RBFOX3: variants seen among roughly 807,000 people sequenced by gnomAD.
RBFOX3 encodes the protein RNA binding protein fox-1 homolog 3.
RBFOX3 carries 17 observed loss-of-function variants against 48.7 expected under a neutral mutation model. The observed-to-expected ratio is 0.35, with a 90% CI of 0.24 to 0.52. The LOEUF is 0.52. Ranked by LOEUF, RBFOX3 falls within the 20% of genes least tolerant of loss-of-function variation. RBFOX3 has a pLI of 0.94. For missense variants in RBFOX3, 382 were observed against 497.5 expected (o/e 0.77, Z 2.21); for synonymous variants, 212 against 209.5 (o/e 1.01, Z -0.10).
At chr17:79,412,512 A>G (rs183724747) in intron 2 of RBFOX3, among the ~76,000 whole-genome samples, 8 of 151,428 alleles carry the variant, frequency 5.3e-5, no homozygotes, top group African/African-American at 9.7e-5. Context: ...TATGGTGTGT[A>G]TGAATGCATT....
intron 4 of RBFOX3, among the ~76,000 whole-genome samples, chr17:79,137,868 A>G (rs1399828232): frequency 6.6e-6 from 1 of 152,086 alleles, no homozygotes; most frequent in Non-Finnish European, 1.5e-5. Flanking sequence ...CTCCCGGGTA[A>G]TTGAGGGAGC....
intron 4 of RBFOX3, among the ~76,000 whole-genome samples, chr17:79,216,215 C>T (rs937208372): frequency 2.0e-5 from 3 of 152,248 alleles, no homozygotes; most frequent in Non-Finnish European, 2.9e-5. Flanking sequence ...AGCCTGTTTG[C>T]CTCCCAGGCG....
chr17:79,534,867 C>T (rs1035089560), intron 1 of RBFOX3, among the ~76,000 whole-genome samples: 3 of 152,284 alleles, frequency 2.0e-5, no homozygotes, highest in South Asian at 2.1e-4. Flanking sequence ...GGGAGATCGT[C>T]GCCCCCTCGG....
intron 2 of RBFOX3, among the ~76,000 whole-genome samples, chr17:79,469,276 G>A (rs1390341714): frequency 1.3e-5 from 2 of 152,214 alleles, no homozygotes; most frequent in Non-Finnish European, 2.9e-5. Context: ...TGGTCACGAG[G>A]TGTCTGACAT....
chr17:79,536,800 C>T lies in RBFOX3; in HGVS notation c.-319-54202G>A, dbSNP rs931831238. On this transcript the variant is annotated intron_variant, in intron 1 of 14. Transcript: ENST00000693108. The stretch of plus-strand genomic sequence containing the variant: ...AAACTCACCGGCTTAAAGCAACAGA[C>T]ATTTGGCCGGGTGCGGAGGCTAACA... Among the ~76,000 whole-genome samples the T allele has an allele frequency of 2.0e-5, 3 of 152,338 alleles. No individual in the cohort carries two copies. In the South Asian group the frequency reaches 6.2e-4, roughly 32 times the overall value.
intron 3 of RBFOX3, among the ~76,000 whole-genome samples, chr17:79,303,040 C>CA: frequency 6.6e-6 from 1 of 151,850 alleles, no homozygotes; most frequent in Non-Finnish European, 1.5e-5. Flanking sequence ...CTCATCTCTA[C>CA]AAAAAAAGAT....
intron 3 of RBFOX3, among the ~76,000 whole-genome samples, chr17:79,270,358 T>C (rs1600324928): frequency 6.6e-6 from 1 of 152,136 alleles, no homozygotes; most frequent in East Asian, 1.9e-4. Flanking sequence ...TACCCAAACC[T>C]CTAAGGCTGA....
intron 3 of RBFOX3, among the ~76,000 whole-genome samples, chr17:79,292,477 G>T (rs965750050): frequency 6.6e-6 from 1 of 152,020 alleles, no homozygotes; most frequent in African/African-American, 2.4e-5. Context: ...GCACATGGAA[G>T]GTTCTCAATG....
intron 1 of RBFOX3, among the ~76,000 whole-genome samples, chr17:79,557,341 C>A (rs1374519093): frequency 6.6e-6 from 1 of 151,738 alleles, no homozygotes; most frequent in Non-Finnish European, 1.5e-5. Flanking sequence ...GACTGTTAGT[C>A]TCTATCTGGT....
intron 4 of RBFOX3, among the ~76,000 whole-genome samples, chr17:79,182,474 T>C (rs1340914748): frequency 1.3e-5 from 2 of 152,116 alleles, no homozygotes; most frequent in Non-Finnish European, 2.9e-5. Flanking sequence ...CTGTCCCCAG[T>C]GCAGGCCTGG....
At chr17:79,127,356 G>C (rs1599559752) in intron 4 of RBFOX3, among the ~76,000 whole-genome samples, 1 of 152,202 alleles carries the variant, frequency 6.6e-6, no homozygotes, top group African/African-American at 2.4e-5. Context: ...CAACAGGAAC[G>C]ATGAGAGGGA....
chr17:79,231,223 T>C (rs2061001599), intron 4 of RBFOX3, among the ~76,000 whole-genome samples: 1 of 152,094 alleles, frequency 6.6e-6, no homozygotes, highest in Non-Finnish European at 1.5e-5. Flanking sequence ...CTACAGATAC[T>C]AAGAGGGTCC....
At chr17:79,478,969 T>G (rs62062826) in intron 2 of RBFOX3, among the ~76,000 whole-genome samples, 3 of 151,996 alleles carry the variant, frequency 2.0e-5, no homozygotes, top group Non-Finnish European at 4.4e-5. Flanking sequence ...AGGAAACTGC[T>G]TCCTCCCCAC....
chr17:79,138,770 GCA>G (rs1425725348), intron 4 of RBFOX3, among the ~76,000 whole-genome samples: 6 of 6,540 alleles, frequency 9.2e-4, no homozygotes, highest in Non-Finnish European at 1.9e-3. Flanking sequence ...CCACAAACAT[GCA>G]CACAGCACAT....
At chr17:79,651,267 G>C in the RBFOX3 span, among the ~76,000 whole-genome samples, 1 of 152,208 alleles carries the variant, frequency 6.6e-6, no homozygotes, top group African/African-American at 2.4e-5. Flanking sequence ...AACCTAGATA[G>C]AGAGGGTCTG....
chr17:79,400,605 G>C (rs535449854), intron 2 of RBFOX3, among the ~76,000 whole-genome samples: 1 of 150,540 alleles, frequency 6.6e-6, no homozygotes, highest in African/African-American at 2.5e-5. Flanking sequence ...GGGGGTGGGT[G>C]AAGTGAGTTC....
At chr17:79,175,884 C>A (rs1041895753) in intron 4 of RBFOX3, among the ~76,000 whole-genome samples, 1 of 152,240 alleles carries the variant, frequency 6.6e-6, no homozygotes, top group Non-Finnish European at 1.5e-5. Flanking sequence ...ACAGACGCCC[C>A]GGCTGGAAGG....
chr17:79,612,714 G>A (rs1014296368), upstream of RBFOX3, among the ~76,000 whole-genome samples: 2 of 152,204 alleles, frequency 1.3e-5, no homozygotes, highest in Non-Finnish European at 2.9e-5. Context: ...CCCTGCCACC[G>A]GATTTGAAAT....
chr17:79,496,601 C>T (rs947351133), intron 1 of RBFOX3, among the ~76,000 whole-genome samples: 5 of 152,160 alleles, frequency 3.3e-5, no homozygotes, highest in African/African-American at 4.8e-5. Context: ...GGCTTCCCAG[C>T]GGTCCCTGGC....
Sources: gnomAD v4.1 joint callset for allele counts (sites outside exome capture counted in the v4.1 genomes callset) on GRCh38, gnomAD v4.1.1 for gene constraint, MANE v1.5 for transcripts, NCBI Gene and HGNC (gene_info 2026-07-23, HGNC 2026-07-21) for gene names.